The following TNKS variants were observed in gnomAD, a reference collection of about 807,000 sequenced individuals.
TNKS encodes the protein poly [ADP-ribose] polymerase tankyrase-1.
Under a neutral mutation model 135.8 loss-of-function variants are expected in TNKS, and 72 were observed. The ratio of observed to expected loss-of-function variants is 0.53; its 90% CI spans 0.44 to 0.64. The LOEUF (loss-of-function observed/expected upper bound fraction) is 0.64. Among genes scored for constraint, TNKS ranks in the 30% least tolerant of loss-of-function variants. TNKS has a pLI of 0.00. For synonymous variants in TNKS, 849 were observed against 649.3 expected (o/e 1.31, Z -4.68); for missense variants, 1,769 against 1,674.0 (o/e 1.06, Z -0.99).
At chr8:9,592,063 G>A (rs1405026326) in intron 2 of TNKS, among the ~76,000 whole-genome samples, 1 of 152,086 alleles carries the variant, frequency 6.6e-6, no homozygotes, top group Non-Finnish European at 1.5e-5. Context: ...AACAGTAAAA[G>A]CCAGGTGGAC....
intron 3 of TNKS, among the ~76,000 whole-genome samples, chr8:9,655,354 C>A (rs1311109562): frequency 6.6e-6 from 1 of 152,236 alleles, no homozygotes. Flanking sequence ...GAAACCCCTG[C>A]AGACTTAAAT....
At chr8:9,586,387 A>G (rs186891708) in intron 2 of TNKS, among the ~76,000 whole-genome samples, 38 of 152,276 alleles carry the variant, frequency 2.5e-4, no homozygotes, top group African/African-American at 7.9e-4. Flanking sequence ...CAGAACTTCA[A>G]TTGATTATTT....
At chr8:9,621,087 T>A (rs559506895) in intron 3 of TNKS, among the ~76,000 whole-genome samples, 1 of 152,346 alleles carries the variant, frequency 6.6e-6, no homozygotes, top group South Asian at 2.1e-4. Context: ...TTTAGCTTCC[T>A]AAAAATAGTT....
At chr8:9,730,192 G>T (rs1209690060) in intron 13 of TNKS, among the ~76,000 whole-genome samples, 1 of 152,140 alleles carries the variant, frequency 6.6e-6, no homozygotes, top group Non-Finnish European at 1.5e-5. Flanking sequence ...AACAAACGGA[G>T]CTTACAATTT....
intron 3 of TNKS, among the ~76,000 whole-genome samples, chr8:9,636,013 A>G (rs1006788969): frequency 6.6e-6 from 1 of 152,244 alleles, no homozygotes; most frequent in Admixed American, 6.5e-5. Flanking sequence ...GAATTTAATT[A>G]CTGTACTGTG....
chr8:9,738,706 G>A (rs1311514319), intron 17 of TNKS, among the ~76,000 whole-genome samples: 4 of 64,920 alleles, frequency 6.2e-5, no homozygotes, highest in Admixed American at 1.9e-4. Flanking sequence ...GTAGTTGAGC[G>A]GCTTTGAGTG....
At chr8:9,612,230 C>T (rs899892201) in intron 2 of TNKS, among the ~76,000 whole-genome samples, 1 of 151,916 alleles carries the variant, frequency 6.6e-6, no homozygotes, top group Non-Finnish European at 1.5e-5. Flanking sequence ...CATGACAGAT[C>T]AATAATTTTG....
intron 3 of TNKS, among the ~76,000 whole-genome samples, chr8:9,674,404 GA>G (rs775536002): frequency 1.5e-4 from 22 of 149,822 alleles, no homozygotes; most frequent in East Asian, 7.8e-4. Flanking sequence ...GTTCAGTAAG[GA>G]AAAAAAAAGC....
chr8:9,781,884 TTATC>T lies in TNKS; in HGVS notation c.*5152_*5155del, dbSNP rs1339846280. On this transcript the variant is annotated 3_prime_UTR_variant, in exon 27 of 27. Coordinates refer to ENST00000310430, the MANE Select transcript of TNKS (RefSeq NM_003747.3). ...ACCCCCTCTCCTTTCTTTTTTGTAT[TTATC>T]TATTTGTAGGATTGTCAGATCAAGT... 1 of 152,614 alleles carries T rather than the reference TTATC, an allele frequency of 6.6e-6. No individual in the cohort carries two copies. The highest frequency in any genetic ancestry group is 1.5e-5 in the Non-Finnish European group (1 of 68,036). The allele number at this position is 152,614 out of a possible 1,614,324, so 9.5% of individuals were successfully genotyped here.
At chr8:9,702,839 C>A (rs9644705) in intron 5 of TNKS, among the ~76,000 whole-genome samples, 132,164 of 152,058 alleles carry the variant, frequency 0.87, 58,041 homozygotes, top group Non-Finnish European at 0.94. Context: ...AACATGGTGA[C>A]ACCTCAGCTC....
At chr8:9,745,015 G>T (rs963461197) in intron 17 of TNKS, among the ~76,000 whole-genome samples, 2 of 152,184 alleles carry the variant, frequency 1.3e-5, no homozygotes, top group African/African-American at 4.8e-5. Context: ...TAGTCTACCA[G>T]ATTATATTAT....
intron 2 of TNKS, among the ~76,000 whole-genome samples, chr8:9,608,864 A>G (rs1799336691): frequency 1.3e-5 from 2 of 152,164 alleles, no homozygotes; most frequent in South Asian, 2.1e-4. Context: ...TTCAGGGATC[A>G]CTGTTTACAA....
intron 5 of TNKS, among the ~76,000 whole-genome samples, chr8:9,700,589 C>G (rs1435294596): frequency 7.3e-6 from 1 of 137,174 alleles, no homozygotes; most frequent in African/African-American, 2.7e-5. Flanking sequence ...CCTCTGGGCT[C>G]TCCTTTCCCT....
chr8:9,697,384 A>C (rs1314929390), intron 5 of TNKS, among the ~76,000 whole-genome samples: 1 of 152,182 alleles, frequency 6.6e-6, no homozygotes, highest in Admixed American at 6.5e-5. Context: ...CCTCAGCATC[A>C]GCCTTAGCAG....
chr8:9,580,410 T>C (rs1395970022), intron 2 of TNKS, 27 bp downstream of exon 2: 4 of 1,595,930 alleles, frequency 2.5e-6, no homozygotes, highest in Non-Finnish European at 3.4e-6. Context: ...GATATCTAAA[T>C]TTTAAATAAA....
At chr8:9,603,220 T>A (rs2128759920) in intron 2 of TNKS, among the ~76,000 whole-genome samples, 1 of 152,230 alleles carries the variant, frequency 6.6e-6, no homozygotes. Context: ...ACCCAGCTAC[T>A]TTTTTTATTT....
intron 2 of TNKS, among the ~76,000 whole-genome samples, chr8:9,582,674 A>T (rs900768415): frequency 1.3e-5 from 2 of 152,186 alleles, no homozygotes; most frequent in African/African-American, 2.4e-5. Context: ...ACTGTTCTTC[A>T]CAGTGTTCCT....
intron 3 of TNKS, among the ~76,000 whole-genome samples, chr8:9,625,528 A>G (rs1397666945): frequency 1.3e-5 from 2 of 151,468 alleles, no homozygotes; most frequent in Non-Finnish European, 2.9e-5. Context: ...TAATGTTATA[A>G]TTTTTCTTTT....
intron 12 of TNKS, among the ~76,000 whole-genome samples, chr8:9,721,494 T>A (rs560133781): frequency 2.5e-3 from 375 of 151,880 alleles, no homozygotes; most frequent in Non-Finnish European, 3.7e-3. Flanking sequence ...ACCTCTTTCC[T>A]AACCTTTTAA....
Sources: gnomAD v4.1 joint callset for allele counts (sites outside exome capture counted in the v4.1 genomes callset) on GRCh38, gnomAD v4.1.1 for gene constraint, MANE v1.5 for transcripts, NCBI Gene and HGNC (gene_info 2026-07-23, HGNC 2026-07-21) for gene names.